NAV1: variants seen among roughly 807,000 people sequenced by gnomAD.
The protein encoded by NAV1 is pore membrane and/or filament interacting like protein 3.
NAV1 carries 18 observed loss-of-function variants against 175.2 expected under a neutral mutation model. That is an observed-to-expected ratio of 0.10 (90% CI 0.07 to 0.15). NAV1 has a LOEUF of 0.15. NAV1 is among the 10% of genes least tolerant of loss of function. NAV1 has a pLI of 1.00. For missense variants in NAV1, 1,731 were observed against 2,436.6 expected (o/e 0.71, Z 6.10); for synonymous variants, 897 against 978.7 (o/e 0.92, Z 1.56).
intron 1 of NAV1, among the ~76,000 whole-genome samples, chr1:201,698,844 T>C (rs1024283343): frequency 6.6e-6 from 1 of 152,238 alleles, no homozygotes; most frequent in African/African-American, 2.4e-5. Context: ...AAGCCTGCCC[T>C]TACCTTTGCT....
At chr1:201,704,468 C>T (rs1197016273) in intron 1 of NAV1, among the ~76,000 whole-genome samples, 1 of 152,192 alleles carries the variant, frequency 6.6e-6, no homozygotes, top group Admixed American at 6.5e-5. Context: ...GCTGAGGTGG[C>T]TAGGTGACTT....
At position 201,740,150 on chromosome 1, in the gene NAV1, C is replaced by T; in HGVS notation, c.1226+21395C>T. ...GTCGGGTTTGTGGCACCCCCAGCCC[C>T]GCCGCAGCCCCCCAGTTCCGCCGCA... On this transcript the variant is annotated intron_variant, in intron 3 of 29. Coordinates refer to ENST00000367296, the Ensembl canonical transcript of NAV1. This position sits in a 1 kb window ranked among gnomAD's most constrained non-coding sequence, Gnocchi z 4.7. 2.5e-6 allele frequency: 3 copies of T among 1,217,858 alleles called. No homozygotes were observed. The highest frequency in any genetic ancestry group is 3.4e-5 in the South Asian group (2 of 58,964). 75.4% of individuals were successfully genotyped at this position (1,217,858 alleles called of 1,614,324 possible). A position where few individuals can be genotyped will look rare whatever the true frequency, so the allele number is the denominator to read the frequency against.
intron 3 of NAV1, among the ~76,000 whole-genome samples, chr1:201,743,356 A>C (rs1362290822): frequency 1.3e-5 from 2 of 152,226 alleles, no homozygotes; most frequent in Non-Finnish European, 2.9e-5. Context: ...TATAATTGCC[A>C]CCCAACCAGT....
Position 201,740,619 on chromosome 1 carries a change from G to A in NAV1, c.1226+21864G>A, listed in dbSNP as rs1045581878. Reference sequence around the variant, plus strand: ...GGAAGGATGAAACGGGGGAGGGAGGGGACGTTGAATTTGTGACCGTACTGC... The same window carrying A: ...GGAAGGATGAAACGGGGGAGGGAGGAGACGTTGAATTTGTGACCGTACTGC... On this transcript the variant is annotated intron_variant, in intron 3 of 29. Transcript: ENST00000367296. This position sits in a 1 kb window ranked among gnomAD's most constrained non-coding sequence, Gnocchi z 4.7. Among the ~76,000 whole-genome samples the A allele has an allele frequency of 1.3e-5, 2 of 152,094 alleles. No individual in the cohort carries two copies. The highest frequency in any genetic ancestry group is 1.3e-4 in the Admixed American group (2 of 15,262).
intron 2 of NAV1, among the ~76,000 whole-genome samples, chr1:201,600,932 C>A (rs1230111973): frequency 6.6e-6 from 1 of 152,212 alleles, no homozygotes; most frequent in African/African-American, 2.4e-5. Flanking sequence ...TGGGTCTCTG[C>A]CAAAGCTGTT....
intron 3 of NAV1, among the ~76,000 whole-genome samples, chr1:201,743,917 G>A (rs948075662): frequency 6.6e-6 from 1 of 152,034 alleles, no homozygotes; most frequent in African/African-American, 2.4e-5. Context: ...TTGAGATGGA[G>A]TTTCGAGCCC....
exon 30 of NAV1, chr1:201,822,422 A>C (rs147464913): frequency 6.6e-6 from 1 of 152,422 alleles, no homozygotes; most frequent in Non-Finnish European, 1.5e-5. Flanking sequence ...GCTTCACTCT[A>C]TTTTCTGGTG....
intron 2 of NAV1, among the ~76,000 whole-genome samples, chr1:201,610,940 G>A (rs1370752991): frequency 1.3e-5 from 2 of 152,156 alleles, no homozygotes; most frequent in African/African-American, 4.8e-5. Flanking sequence ...TGTTGGCAGA[G>A]CCCTGGGCCC....
chr1:201,786,094 ACT>A (rs1435434866), intron 8 of NAV1, among the ~76,000 whole-genome samples: 1 of 151,750 alleles, frequency 6.6e-6, no homozygotes, highest in East Asian at 1.9e-4. Flanking sequence ...TGCCTGACCG[ACT>A]CTTGCAACTT....
At position 201,747,844 on chromosome 1, in the gene NAV1, G is replaced by C. The variant is rs141942861; in HGVS notation, c.1226+29089G>C. On this transcript the variant is annotated intron_variant, in intron 3 of 29. Transcript: ENST00000367296. ...TCCTAAATTCTAGATAAACATCCTT[G>C]TAGTTTCCAGGCCCTGGGTTGCCAA... 9.2e-5 allele frequency among the ~76,000 whole-genome samples: 14 copies of C among 152,252 alleles called. No individual in the cohort carries two copies. In the East Asian group the frequency reaches 2.7e-3, roughly 29 times the overall value.
chr1:201,591,629 C>T (rs1667197730), intron 2 of NAV1, among the ~76,000 whole-genome samples: 1 of 152,194 alleles, frequency 6.6e-6, no homozygotes, highest in South Asian at 2.1e-4. Context: ...TGCTGGCTGG[C>T]TCTCTGGGTA....
intron 11 of NAV1, 39 bp downstream of exon 15, chr1:201,789,831 C>A: frequency 6.3e-7 from 1 of 1,582,782 alleles, no homozygotes. Context: ...CATCCCCTCC[C>A]CTCTACCATC....
Position 201,718,611 on chromosome 1 carries a change from G to C in NAV1, c.1082G>C (p.Arg361Pro). Reference sequence around the variant, plus strand: ...CACTACTCCCACACCATGCCCATGCGCAGCCCCAGCAAGCTCAGCCATATC... The same window carrying C: ...CACTACTCCCACACCATGCCCATGCCCAGCCCCAGCAAGCTCAGCCATATC... Residue 361 changes from arginine to proline, a missense_variant, in exon 3 of 30, where the codon CGC (arginine) becomes CCC (proline). Physicochemically the swap from Arg to Pro is moderately radical, Grantham distance 103 (BLOSUM62 -2). Around this residue, in one of 13 missense-constraint regions of NAV1, gnomAD observed 487 missense variants for 581.3 expected, o/e 0.84. Transcript: ENST00000367296. This position sits in a 1 kb window ranked among gnomAD's most constrained non-coding sequence, Gnocchi z 4.8. The C allele has an allele frequency of 6.2e-7, 1 of 1,614,146 alleles. No individual in the cohort carries two copies. The highest frequency in any genetic ancestry group is 8.5e-7 in the Non-Finnish European group (1 of 1,180,032).
At chr1:201,626,572 C>T (rs562193591) in intron 1 of NAV1, among the ~76,000 whole-genome samples, 2 of 152,354 alleles carry the variant, frequency 1.3e-5, no homozygotes, top group Admixed American at 6.5e-5. Context: ...CCTGGTCTCA[C>T]ACATCTAATT....
intron 5 of NAV1, among the ~76,000 whole-genome samples, chr1:201,781,764 C>G (rs181357687): frequency 6.6e-6 from 1 of 152,168 alleles, no homozygotes; most frequent in East Asian, 1.9e-4. Context: ...AAGTTGGCCC[C>G]TTGGGTAACT....
chr1:201,809,477 C>G (rs1678548222), exon 22 of NAV1: 1 of 1,613,964 alleles, frequency 6.2e-7, no homozygotes. Context: ...TGGGCTGTAG[C>G]AAGGTCAGTG....
At chr1:201,639,465 G>A (rs148493216) in intron 2 of NAV1, among the ~76,000 whole-genome samples, 1,581 of 152,292 alleles carry the variant, frequency 0.01, 27 homozygotes, top group African/African-American at 0.036. Flanking sequence ...CACTGCCAGG[G>A]CTCCTCTGCT....
At chr1:201,643,398 CTCCCT>C (rs60980821), upstream of NAV1, among the ~76,000 whole-genome samples, 9,927 of 145,352 alleles carry the variant, frequency 0.068, 1,156 homozygotes, top group African/African-American at 0.24. Flanking sequence ...CCTTTCTCCT[CTCCCT>C]TCCCTTCCCT....
At chr1:201,622,780 C>T, upstream of NAV1, 7 of 975,944 alleles carry the variant, frequency 7.2e-6, no homozygotes, top group Non-Finnish European at 7.3e-6. Context: ...CCCCAACATC[C>T]TCTTTCTACA....
Sources: gnomAD v4.1 joint callset for allele counts (sites outside exome capture counted in the v4.1 genomes callset) on GRCh38, gnomAD v4.1.1 for gene constraint, gnomAD v4.1.1 regional missense constraint, Gnocchi (gnomAD v3.1) non-coding constraint, MANE v1.5 for transcripts, NCBI Gene and HGNC (gene_info 2026-07-23, HGNC 2026-07-21) for gene names.